The following RPRD2 variants were observed in gnomAD, a reference collection of about 807,000 sequenced individuals.
RPRD2 encodes regulation of nuclear pre-mRNA domain containing 2.
RPRD2 carries 12 observed loss-of-function variants against 104.4 expected under a neutral mutation model. The observed-to-expected ratio is 0.11, with a 90% CI of 0.07 to 0.19. The LOEUF is 0.19. Among genes scored for constraint, RPRD2 ranks in the 10% least tolerant of loss-of-function variants. RPRD2 has a pLI of 1.00. For missense variants in RPRD2, 1,543 were observed against 1,790.1 expected (o/e 0.86, Z 2.49); for synonymous variants, 714 against 684.9 (o/e 1.04, Z -0.66).
intron 2 of RPRD2, 91 bp downstream of exon 2, chr1:150,417,816 A>T (rs749961772): frequency 3.1e-6 from 3 of 968,966 alleles, no homozygotes; most frequent in Non-Finnish European, 4.2e-6. Flanking sequence ...ATAATTGAAC[A>T]TGCTTGAAGA....
intron 2 of RPRD2, among the ~76,000 whole-genome samples, chr1:150,426,164 T>A (rs1665113050): frequency 6.6e-6 from 1 of 152,092 alleles, no homozygotes; most frequent in African/African-American, 2.4e-5. Context: ...ATCTCAGTCT[T>A]CCCATCCTTA....
chr1:150,385,935 A>G (rs1553881737), intron 1 of RPRD2, among the ~76,000 whole-genome samples: 1 of 152,092 alleles, frequency 6.6e-6, no homozygotes, highest in Non-Finnish European at 1.5e-5. Flanking sequence ...ACAAGGGTAG[A>G]GGGGAATGAG....
chr1:150,416,398 G>T (rs1664329082), intron 1 of RPRD2, among the ~76,000 whole-genome samples: 1 of 152,076 alleles, frequency 6.6e-6, no homozygotes, highest in African/African-American at 2.4e-5. Flanking sequence ...ATTTTAAAAT[G>T]TACAAAGGAG....
chr1:150,409,566 GTA>G (rs781924024), intron 1 of RPRD2, among the ~76,000 whole-genome samples: 32 of 151,280 alleles, frequency 2.1e-4, no homozygotes, highest in Admixed American at 1.5e-3. Context: ...AAATTGTATA[GTA>G]TATTGGAAAA....
chr1:150,429,987 G>C (rs587687167), intron 2 of RPRD2, among the ~76,000 whole-genome samples: 1 of 152,298 alleles, frequency 6.6e-6, no homozygotes, highest in South Asian at 2.1e-4. Flanking sequence ...ATGTGCTCTT[G>C]TGTAATTAGC....
At chr1:150,366,491 C>A (rs1553877168) in intron 1 of RPRD2, among the ~76,000 whole-genome samples, 1 of 152,176 alleles carries the variant, frequency 6.6e-6, no homozygotes, top group East Asian at 1.9e-4. Flanking sequence ...AAAATTATAA[C>A]GTGCAAAAAC....
chr1:150,365,022 G>C (rs1659727829), intron 1 of RPRD2, 103 bp downstream of exon 1: 2 of 1,220,562 alleles, frequency 1.6e-6, no homozygotes, highest in African/African-American at 1.5e-5. Context: ...ATTTGGTTGG[G>C]GTTGTTCACA....
chr1:150,423,217 A>G (rs1664881288), intron 2 of RPRD2, among the ~76,000 whole-genome samples: 1 of 152,242 alleles, frequency 6.6e-6, no homozygotes, highest in Non-Finnish European at 1.5e-5. Flanking sequence ...TTTGAAGCAC[A>G]GGAAAAGTGT....
At chr1:150,401,554 T>A (rs1663009917) in intron 1 of RPRD2, among the ~76,000 whole-genome samples, 5 of 152,140 alleles carry the variant, frequency 3.3e-5, no homozygotes, top group Admixed American at 3.3e-4. Flanking sequence ...CGTAGCTCAC[T>A]GCAGCCTTGA....
At chr1:150,437,238 C>T (rs1410061084) in intron 2 of RPRD2, among the ~76,000 whole-genome samples, 3 of 152,072 alleles carry the variant, frequency 2.0e-5, no homozygotes, top group African/African-American at 7.2e-5. Flanking sequence ...GCTTTTAACA[C>T]CTGTAATCCC....
intron 2 of RPRD2, among the ~76,000 whole-genome samples, chr1:150,418,800 G>C (rs782390517): frequency 6.6e-6 from 1 of 152,114 alleles, no homozygotes; most frequent in Non-Finnish European, 1.5e-5. Context: ...GGATCATGAG[G>C]TCAGGAGATC....
At chr1:150,439,882 T>C (rs1553894017) in intron 2 of RPRD2, among the ~76,000 whole-genome samples, 2 of 152,198 alleles carry the variant, frequency 1.3e-5, no homozygotes, top group Non-Finnish European at 2.9e-5. Context: ...TTTTATTTCT[T>C]CTGCATTTCA....
At chr1:150,435,262 C>T (rs1665918366) in intron 2 of RPRD2, among the ~76,000 whole-genome samples, 1 of 152,296 alleles carries the variant, frequency 6.6e-6, no homozygotes, top group South Asian at 2.1e-4. Context: ...CCTCCTTATT[C>T]CCTGAGACAC....
intron 1 of RPRD2, among the ~76,000 whole-genome samples, chr1:150,393,402 G>A (rs1247320940): frequency 7.4e-6 from 1 of 135,582 alleles, no homozygotes; most frequent in Non-Finnish European, 1.5e-5. Flanking sequence ...AGGCTGCAGT[G>A]AAGTGTGATC....
chr1:150,470,756 C>T lies in RPRD2; in HGVS notation c.1808C>T (p.Ser603Leu). The T allele has an allele frequency of 6.2e-7, 1 of 1,614,052 alleles. No homozygotes were observed. Among genetic ancestry groups the T allele is most frequent in the East Asian group, 2.2e-5 (1 of 44,894 alleles). Reference sequence around the variant, plus strand: ...AACTCATCAACTTCTGAAGTCTCTTCAACTTCAGCCAGCAAGGCCTCAATT... The same window carrying T: ...AACTCATCAACTTCTGAAGTCTCTTTAACTTCAGCCAGCAAGGCCTCAATT... ...SPNSSTSEVS[S>L]TSASKASIGQ... Residue 603 changes from serine to leucine, a missense_variant, in exon 11 of 11, where the codon TCA (serine) becomes TTA (leucine). Coordinates refer to ENST00000369068, the MANE Select transcript of RPRD2 (RefSeq NM_015203.5).
rs961461358 is a variant in RPRD2, at chr1:150,473,397, ATTG to A, written c.*72_*74del. The A allele has an allele frequency of 7.5e-5, 109 of 1,446,404 alleles. No homozygotes were observed. The highest frequency in any genetic ancestry group is 5.4e-4 in the African/African-American group (38 of 70,298). 89.6% of individuals were successfully genotyped at this position (1,446,404 alleles called of 1,614,324 possible). On this transcript the variant is annotated 3_prime_UTR_variant, in exon 11 of 11. Coordinates refer to ENST00000369068, the MANE Select transcript of RPRD2 (RefSeq NM_015203.5). ...AACATTGGAAGTAGGAGTTTGGTTT[ATTG>A]TTGTTGTTTTTATTTGTTTTCTCTT...
At chr1:150,447,145 A>G (rs908382318) in intron 7 of RPRD2, among the ~76,000 whole-genome samples, 1 of 150,282 alleles carries the variant, frequency 6.7e-6, no homozygotes, top group Non-Finnish European at 1.5e-5. Flanking sequence ...CAATTTTTGT[A>G]TTTTTAGTAG....
At chr1:150,449,715 C>G (rs1332491709) in intron 7 of RPRD2, among the ~76,000 whole-genome samples, 1 of 152,134 alleles carries the variant, frequency 6.6e-6, no homozygotes, top group African/African-American at 2.4e-5. Flanking sequence ...TCAAATAATT[C>G]TGGGGTACTA....
chr1:150,415,101 G>A (rs1572426567), intron 1 of RPRD2, among the ~76,000 whole-genome samples: 1 of 152,116 alleles, frequency 6.6e-6, no homozygotes, highest in South Asian at 2.1e-4. Flanking sequence ...AAGGCAGGTG[G>A]ATCACCTGAG....
Sources: gnomAD v4.1 joint callset for allele counts (sites outside exome capture counted in the v4.1 genomes callset) on GRCh38, gnomAD v4.1.1 for gene constraint, MANE v1.5 for transcripts, NCBI Gene and HGNC (gene_info 2026-07-23, HGNC 2026-07-21) for gene names.